Variants in ZNF587B observed in about 807,000 individuals in gnomAD.
ZNF587B encodes the protein zinc finger protein 587B.
In ZNF587B, 6 loss-of-function variants were observed where a neutral mutation model predicts 7.2. The ratio of observed to expected loss-of-function variants is 0.83; its 90% CI spans 0.46 to 1.65. The LOEUF is 1.65. Among genes scored for constraint, ZNF587B ranks in the 40% most tolerant of loss-of-function variants. ZNF587B has a pLI of 0.01. For missense variants in ZNF587B, 749 were observed against 761.0 expected (o/e 0.98, Z 0.19); for synonymous variants, 274 against 254.3 (o/e 1.08, Z -0.74).
At chr19:57,837,512 T>G (rs1439792047) in intron 1 of ZNF587B, among the ~76,000 whole-genome samples, 1 of 151,186 alleles carries the variant, frequency 6.6e-6, no homozygotes, top group African/African-American at 2.4e-5. Context: ...GCAGTGGTGC[T>G]ATTTCGGCTC....
In ZNF587B at chr19:57,842,817, A is replaced by G. The variant is rs1988909837; in HGVS notation, c.*241A>G. The G allele has an allele frequency of 1.0e-6, 1 of 985,394 alleles. No homozygotes were observed. The highest frequency in any genetic ancestry group is 1.2e-6 in the Non-Finnish European group (1 of 829,936). 61.0% of individuals were successfully genotyped at this position (985,394 alleles called of 1,614,324 possible). ...GAATGAAGGCCTTACTAGTGTGGCA[A>G]ATATAGGCTATTTATCCAGAAGTCT... On this transcript the variant is annotated 3_prime_UTR_variant, in exon 3 of 3. Transcript: ENST00000594901.
chr19:57,837,439 G>GTT (rs772656383), intron 1 of ZNF587B, among the ~76,000 whole-genome samples: 21 of 135,194 alleles, frequency 1.6e-4, no homozygotes, highest in African/African-American at 4.4e-4. Context: ...TTTTTGTTTT[G>GTT]TTTTTTTTTT....
At chr19:57,832,014 T>C (rs529030410) in intron 1 of ZNF587B, among the ~76,000 whole-genome samples, 93 of 152,142 alleles carry the variant, frequency 6.1e-4, no homozygotes, top group Non-Finnish European at 1.2e-3. Context: ...CTGTCTTTAT[T>C]TTTTTATTTG....
At position 57,841,568 on chromosome 19, in the gene ZNF587B, T is replaced by G. The variant is rs1366359437; in HGVS notation, c.894T>G (p.Tyr298Ter). ...HQQFHTGGKP[Y>*]GCEECGKYFS... is the part of the protein sequence containing the mutation. The stretch of plus-strand genomic sequence containing the variant: ...AATTTCACACTGGAGGAAAACCTTA[T>G]GGGTGTGAAGAATGTGGGAAATATT... Residue 298 changes from tyrosine (Y) to a stop codon, truncating the protein, a stop_gained, in exon 3 of 3, where the codon TAT becomes TAG. Coordinates refer to ENST00000594901, the MANE Select transcript of ZNF587B (RefSeq NM_001376223.1). LOFTEE classifies it low-confidence loss of function (END_TRUNC). The G allele has an allele frequency of 6.3e-7, 1 of 1,578,310 alleles. No homozygotes were observed. Among genetic ancestry groups the G allele is most frequent in the Admixed American group, 1.9e-5 (1 of 53,556 alleles).
rs750298576 is a variant in ZNF587B at position 57,830,495 on chromosome 19, C to T, written c.-34C>T. The stretch of plus-strand genomic sequence containing the variant: ...CCCATATCTCCTGGCTGGTCACCCT[C>T]TCCTCCCAACCCTGCTTTAAACCAC... On this transcript the variant is annotated 5_prime_UTR_variant, in exon 1 of 3. Transcript: ENST00000594901. The T allele has an allele frequency of 6.5e-7, 1 of 1,548,370 alleles. No individual in the cohort carries two copies. Among genetic ancestry groups the T allele is most frequent in the Non-Finnish European group, 8.7e-7 (1 of 1,146,936 alleles).
At position 57,843,608 on chromosome 19, in the gene ZNF587B, T is replaced by G. The variant is rs999214219; in HGVS notation, c.*1032T>G. ...GTTGGTTGTTTTTTTTTGTTTTTTTTTTTTTTTTTTTTGGAGACAAAGTTT... is the reference window on the plus strand; with the variant it reads ...GTTGGTTGTTTTTTTTTGTTTTTTTGTTTTTTTTTTTTGGAGACAAAGTTT... On this transcript the variant is annotated 3_prime_UTR_variant, in exon 3 of 3. Transcript: ENST00000594901. The G allele has an allele frequency of 5.0e-4, 462 of 916,982 alleles. 1 individual carries two copies. The highest frequency in any genetic ancestry group is 5.7e-4 in the Non-Finnish European group (439 of 775,748). The allele number at this position is 916,982 out of a possible 1,614,324, so 56.8% of individuals were successfully genotyped here.
At position 57,841,418 on chromosome 19, in the gene ZNF587B, G is replaced by C. The variant is rs760382260; in HGVS notation, c.744G>C (p.Gly248=). The part of the protein sequence containing the change: ...REECYVCCEC[G]KSFSKYVSFS... ...AATGTTATGTGTGCTGTGAATGTGG[G>C]AAATCCTTTAGCAAATATGTTAGCT... Residue 248 remains glycine (G), a synonymous_variant, in exon 3 of 3, where the codon GGG becomes GGC. Transcript: ENST00000594901. The C allele has an allele frequency of 5.7e-6, 9 of 1,584,154 alleles. No homozygotes were observed. The African/African-American group carries it at 1.2e-4, about 21-fold the overall frequency.
At chr19:57,836,022 T>C (rs1361569979) in intron 1 of ZNF587B, among the ~76,000 whole-genome samples, 1 of 151,638 alleles carries the variant, frequency 6.6e-6, no homozygotes, top group Non-Finnish European at 1.5e-5. Flanking sequence ...ATTCATAACC[T>C]GTGTTATGCA....
Position 57,838,748 on chromosome 19 carries a change from G to T in ZNF587B, c.37-275G>T, listed in dbSNP as rs189667078. 2.1e-3 allele frequency among the ~76,000 whole-genome samples: 316 copies of T among 152,310 alleles called. 1 individual carries two copies. The highest frequency in any genetic ancestry group is 3.4e-3 in the Middle Eastern group (1 of 294). ...CGTTCAGAGAGGGTATCTCTGCTGT[G>T]CTGAAGGTGCCACATTGGGCTTCCC... On this transcript the variant is annotated intron_variant, in intron 1 of 2. Transcript: ENST00000594901.
chr19:57,842,652 G>A lies in ZNF587B; in HGVS notation c.*76G>A. 7.4e-7 allele frequency: 1 copy of A among 1,347,680 alleles called. No homozygotes were observed. The highest frequency in any genetic ancestry group is 9.5e-7 in the Non-Finnish European group (1 of 1,052,794). 83.5% of individuals were successfully genotyped at this position (1,347,680 alleles called of 1,614,324 possible). A position where few individuals can be genotyped will look rare whatever the true frequency, so the allele number is the denominator to read the frequency against. ...GTAAGATCTTGTGATTGCAGCAAAT[G>A]TGGAAAATGTTTACCCAAAAGAAGT... is the stretch of plus-strand genomic sequence containing the variant. On this transcript the variant is annotated 3_prime_UTR_variant, in exon 3 of 3. Transcript: ENST00000594901.
At position 57,840,946 on chromosome 19, in the gene ZNF587B, CCCA is replaced by C; in HGVS notation, c.275_277del (p.His92del). The C allele has an allele frequency of 1.9e-6, 3 of 1,584,840 alleles. No homozygotes were observed. In the South Asian group the frequency reaches 3.4e-5, roughly 18 times the overall value. ...GTGACAGGTGTGTCTCCCAAGAAGG[CCCA>C]CCCCTGTGAGATGTGTGGCCCGATC... is the stretch of plus-strand genomic sequence containing the variant. On this transcript the variant is annotated inframe_deletion, in exon 3 of 3. Coordinates refer to ENST00000594901, the MANE Select transcript of ZNF587B (RefSeq NM_001376223.1).
rs559355280 is a variant in ZNF587B at position 57,832,109 on chromosome 19, CAG to C, written c.36+1548_36+1549del. 3.1e-4 allele frequency among the ~76,000 whole-genome samples: 47 copies of C among 151,652 alleles called. No homozygotes were observed. The East Asian group carries it at 7.9e-3, about 26-fold the overall frequency. ...TTTTTCTTTTTGTTTTTTTTTGAGA[CAG>C]AGTCTCGCTCTATCGCCCAGACTGG... On this transcript the variant is annotated intron_variant, in intron 1 of 2. Coordinates refer to ENST00000594901, the MANE Select transcript of ZNF587B (RefSeq NM_001376223.1).
At position 57,841,180 on chromosome 19, in the gene ZNF587B, C is replaced by G; in HGVS notation, c.506C>G (p.Ser169Ter). The G allele has an allele frequency of 6.2e-7, 1 of 1,614,182 alleles. No homozygotes were observed. Among genetic ancestry groups the G allele is most frequent in the Non-Finnish European group, 8.5e-7 (1 of 1,180,038 alleles). The change falls in exon 3 of 3, where the codon TCA (serine) becomes TGA (stop). Residue 169 changes from serine (S) to a stop codon, truncating the protein, a stop_gained. Transcript: ENST00000594901. LOFTEE classifies it low-confidence loss of function (END_TRUNC). The stretch of plus-strand genomic sequence containing the variant: ...TGTAAGTTGCATGTGTCAGGGGAGT[C>G]ATCTGTCTTCAGTGAGAGTGGGAAG... ...KRCKLHVSGE[S>*]SVFSESGKDF...
chr19:57,839,242 G>C, intron 2 of ZNF587B, 93 bp downstream of exon 2: 2 of 1,552,090 alleles, frequency 1.3e-6, no homozygotes, highest in South Asian at 2.4e-5. Context: ...CAGGAGCATG[G>C]ACACAGCTTC....
intron 2 of ZNF587B, among the ~76,000 whole-genome samples, chr19:57,840,093 AAAAAAAAAAAAAAAAAAAAG>A: frequency 2.6e-5 from 1 of 39,004 alleles, no homozygotes; most frequent in Admixed American, 3.3e-4. Context: ...AAAAAAAAAA[AAAAAAAAAAAAAAAAAAAAG>A]CAGCACCCTG....
Position 57,830,351 on chromosome 19 carries a change from T to C in ZNF587B, c.-178T>C. ...AGGCTCCTGAGCGCTAGGTCGGCAC[T>C]GCGGTGACTGAACCCAGAAGGCGGA... is the stretch of plus-strand genomic sequence containing the variant. On this transcript the variant is annotated 5_prime_UTR_variant, in exon 1 of 3. Transcript: ENST00000594901. The C allele has an allele frequency of 1.6e-6, 1 of 631,476 alleles. No individual in the cohort carries two copies. The highest frequency in any genetic ancestry group is 2.7e-6 in the Non-Finnish European group (1 of 366,486). 39.1% of individuals were successfully genotyped at this position (631,476 alleles called of 1,614,324 possible).
rs761470948 is a variant in ZNF587B, at chr19:57,841,282, G to A, written c.608G>A (p.Cys203Tyr). The change falls in exon 3 of 3, where the codon TGT (cysteine) becomes TAT (tyrosine). Residue 203 changes from cysteine to tyrosine, a missense_variant. Cys to Tyr is a radical substitution (Grantham distance 194). Transcript: ENST00000594901. ...GAGAAGTCAAACAGCAAAACTGAGTGTGTGTCTCCCTTTCAGTGTGGGGGA... is the reference window on the plus strand; with the variant it reads ...GAGAAGTCAAACAGCAAAACTGAGTATGTGTCTCCCTTTCAGTGTGGGGGA... ...TGEKSNSKTE[C>Y]VSPFQCGGAH... 8 of 1,613,994 alleles carry A rather than the reference G, an allele frequency of 5.0e-6. No individual in the cohort carries two copies. Among genetic ancestry groups the A allele is most frequent in the Admixed American group, 1.7e-5 (1 of 59,948 alleles).
chr19:57,843,216 T>C lies in ZNF587B; in HGVS notation c.*640T>C. On this transcript the variant is annotated 3_prime_UTR_variant, in exon 3 of 3. Transcript: ENST00000594901. The stretch of plus-strand genomic sequence containing the variant: ...CCATGTTTCCAGGCTGGTATCGAAC[T>C]CCTGAGCTCAAGCAATCTGTACACC... 1 of 842,992 alleles carries C rather than the reference T, an allele frequency of 1.2e-6. No individual in the cohort carries two copies. Among genetic ancestry groups the C allele is most frequent in the Non-Finnish European group, 1.4e-6 (1 of 700,514 alleles). The allele number at this position is 842,992 out of a possible 1,614,324, so 52.2% of individuals were successfully genotyped here.
rs1174938612 is a variant in ZNF587B, at chr19:57,843,590, G to GTT, written c.*1022_*1023dup. The GTT allele has an allele frequency of 4.0e-4, 231 of 575,252 alleles. No homozygotes were observed. Among genetic ancestry groups the GTT allele is most frequent in the Middle Eastern group, 9.1e-4 (1 of 1,104 alleles). The allele number at this position is 575,252 out of a possible 1,614,324, so 35.6% of individuals were successfully genotyped here. A position where few individuals can be genotyped will look rare whatever the true frequency, so the allele number is the denominator to read the frequency against. ...TGGTTGGTTGGTTGGTTGGTTGGTTGTTTTTTTTTGTTTTTTTTTTTTTTT... is the reference window on the plus strand; with the variant it reads ...TGGTTGGTTGGTTGGTTGGTTGGTTGTTTTTTTTTTTGTTTTTTTTTTTTTTT... On this transcript the variant is annotated 3_prime_UTR_variant, in exon 3 of 3. Transcript: ENST00000594901.
Sources: gnomAD v4.1 joint callset for allele counts (sites outside exome capture counted in the v4.1 genomes callset) on GRCh38, gnomAD v4.1.1 for gene constraint, MANE v1.5 for transcripts, NCBI Gene and HGNC (gene_info 2026-07-23, HGNC 2026-07-21) for gene names.